Variants in PDS5A observed in about 807,000 individuals in gnomAD.
PDS5A encodes sister chromatid cohesion protein PDS5 homolog A.
In PDS5A, 42 loss-of-function variants were observed where a neutral mutation model predicts 167.1. The ratio of observed to expected loss-of-function variants is 0.25; its 90% CI spans 0.20 to 0.33. The LOEUF is 0.33. PDS5A is among the 10% of genes least tolerant of loss of function. PDS5A has a pLI of 1.00. For missense variants in PDS5A, 1,033 were observed against 1,605.9 expected (o/e 0.64, Z 6.10); for synonymous variants, 553 against 554.6 (o/e 1.00, Z 0.04).
chr4:39,862,745 G>A (rs552057015), intron 25 of PDS5A, 124 bp downstream of exon 25: 9 of 637,952 alleles, frequency 1.4e-5, no homozygotes, highest in Non-Finnish European at 2.4e-5. Flanking sequence ...TACAATGACA[G>A]CATTCTATAA....
At chr4:39,877,891 A>G (rs928899922) in intron 18 of PDS5A, among the ~76,000 whole-genome samples, 5 of 152,178 alleles carry the variant, frequency 3.3e-5, no homozygotes, top group Admixed American at 3.3e-4. Context: ...CATTGTACCC[A>G]GCCAAAAAAA....
chr4:39,907,295 C>G (rs1212263388), intron 11 of PDS5A, among the ~76,000 whole-genome samples: 1 of 152,094 alleles, frequency 6.6e-6, no homozygotes, highest in East Asian at 1.9e-4. Context: ...AAACATCTGG[C>G]TCCTGTGACA....
At chr4:39,971,000 G>T (rs940393956) in intron 2 of PDS5A, among the ~76,000 whole-genome samples, 3 of 151,210 alleles carry the variant, frequency 2.0e-5, no homozygotes, top group Non-Finnish European at 2.9e-5. Flanking sequence ...TCAAATTCCT[G>T]GGCTCAAGTG....
At chr4:39,918,282 T>C (rs572614074) in intron 7 of PDS5A, among the ~76,000 whole-genome samples, 1 of 152,082 alleles carries the variant, frequency 6.6e-6, no homozygotes, top group South Asian at 2.1e-4. Flanking sequence ...TTGTTTCTTT[T>C]AATACTCAGA....
chr4:39,929,519 C>A (rs1486324564), intron 2 of PDS5A, among the ~76,000 whole-genome samples: 19 of 79,400 alleles, frequency 2.4e-4, no homozygotes, highest in Admixed American at 7.3e-4. Flanking sequence ...ACTTAATAAA[C>A]TATATATATA....
chr4:39,924,558 A>C (rs1392640184), intron 5 of PDS5A, among the ~76,000 whole-genome samples: 1 of 152,258 alleles, frequency 6.6e-6, no homozygotes, highest in African/African-American at 2.4e-5. Context: ...AGCATTCATT[A>C]AAACTCTGGA....
intron 32 of PDS5A, among the ~76,000 whole-genome samples, chr4:39,828,873 A>G (rs1229935716): frequency 6.6e-6 from 1 of 152,222 alleles, no homozygotes; most frequent in African/African-American, 2.4e-5. Flanking sequence ...TGAAAAATAA[A>G]GCAAGTGAAA....
intron 31 of PDS5A, among the ~76,000 whole-genome samples, chr4:39,838,926 G>C (rs769027559): frequency 6.6e-6 from 1 of 151,894 alleles, no homozygotes; most frequent in Admixed American, 6.6e-5. Context: ...GGCTGAGGCA[G>C]GAGAATAGCC....
chr4:39,937,123 AT>A (rs1726694400), intron 2 of PDS5A, among the ~76,000 whole-genome samples: 1 of 152,184 alleles, frequency 6.6e-6, no homozygotes, highest in South Asian at 2.1e-4. Context: ...GGCATGAATG[AT>A]AAAATCAAGA....
chr4:39,933,836 T>C (rs1726319552), intron 2 of PDS5A, among the ~76,000 whole-genome samples: 1 of 152,238 alleles, frequency 6.6e-6, no homozygotes, highest in African/African-American at 2.4e-5. Context: ...TAGATTCCCT[T>C]GCAATGGAGT....
intron 2 of PDS5A, among the ~76,000 whole-genome samples, chr4:39,968,707 C>T (rs554002408): frequency 6.6e-6 from 1 of 151,992 alleles, no homozygotes; most frequent in South Asian, 2.1e-4. Context: ...GCTGGGATTA[C>T]ATGCATGAGC....
intron 12 of PDS5A, among the ~76,000 whole-genome samples, chr4:39,903,106 A>C (rs1274701378): frequency 6.6e-6 from 1 of 152,258 alleles, no homozygotes; most frequent in Non-Finnish European, 1.5e-5. Flanking sequence ...CATTAACGCA[A>C]CATATAAAGC....
At chr4:39,863,167 TA>T in intron 24 of PDS5A, 94 bp from the exon 25 acceptor site, 1 of 1,018,236 alleles carries the variant, frequency 9.8e-7, no homozygotes, top group Non-Finnish European at 1.5e-6. Flanking sequence ...AAAAAGAAGA[TA>T]ATTATATGGG....
chr4:39,936,127 T>C (rs369084061), intron 2 of PDS5A, among the ~76,000 whole-genome samples: 15 of 152,198 alleles, frequency 9.9e-5, no homozygotes, highest in Non-Finnish European at 2.1e-4. Flanking sequence ...TTCACTTTAA[T>C]TGAAGTGATG....
chr4:39,891,387 G>A (rs1407712871), intron 16 of PDS5A, among the ~76,000 whole-genome samples: 1 of 151,524 alleles, frequency 6.6e-6, no homozygotes, highest in African/African-American at 2.4e-5. Flanking sequence ...GGTGGCTCAC[G>A]CCTGTAATCC....
At chr4:39,954,670 T>TAAATA (rs1553908181) in intron 2 of PDS5A, among the ~76,000 whole-genome samples, 2 of 48,278 alleles carry the variant, frequency 4.1e-5, no homozygotes, top group East Asian at 7.6e-4. Context: ...AAGAGATAAG[T>TAAATA]AAAAAAAAAA....
chr4:39,944,310 T>C lies in PDS5A; in HGVS notation c.139-16146A>G, dbSNP rs573305537. On this transcript the variant is annotated intron_variant, in intron 2 of 32. Transcript: ENST00000303538. ...ACACGATTCTTAAAAATTACCTGGA[T>C]ACTGACTGTAACAGAACAATCATAA... Among the ~76,000 whole-genome samples the C allele has an allele frequency of 2.0e-4, 30 of 152,220 alleles. No homozygotes were observed. The South Asian group carries it at 5.4e-3, about 27-fold the overall frequency.
chr4:39,912,692 A>G (rs1560477460), intron 9 of PDS5A, among the ~76,000 whole-genome samples: 1 of 152,210 alleles, frequency 6.6e-6, no homozygotes, highest in Non-Finnish European at 1.5e-5. Context: ...TTAATAGTAA[A>G]TATCTACTTT....
chr4:39,942,006 T>C (rs879625895), intron 2 of PDS5A, among the ~76,000 whole-genome samples: 1 of 152,192 alleles, frequency 6.6e-6, no homozygotes, highest in Non-Finnish European at 1.5e-5. Flanking sequence ...AAATGCTTAG[T>C]TTAGGCCCTT....
Sources: gnomAD v4.1 joint callset for allele counts (sites outside exome capture counted in the v4.1 genomes callset) on GRCh38, gnomAD v4.1.1 for gene constraint, MANE v1.5 for transcripts, NCBI Gene and HGNC (gene_info 2026-07-23, HGNC 2026-07-21) for gene names.